PRKACB: variants seen among roughly 807,000 people sequenced by gnomAD.
PRKACB encodes the protein cAMP-dependent protein kinase catalytic subunit beta.
PRKACB carries 16 observed loss-of-function variants against 51.4 expected under a neutral mutation model. The ratio of observed to expected loss-of-function variants is 0.31; its 90% CI spans 0.21 to 0.47. The LOEUF (loss-of-function observed/expected upper bound fraction) is 0.47, where lower values mean the gene tolerates loss of function less well. Among genes scored for constraint, PRKACB ranks in the 20% least tolerant of loss-of-function variants. The pLI is 1.00. For synonymous variants in PRKACB, 147 were observed against 154.4 expected (o/e 0.95, Z 0.35); for missense variants, 309 against 464.5 (o/e 0.67, Z 3.08).
intron 1 of PRKACB, among the ~76,000 whole-genome samples, chr1:84,155,624 G>A (rs1031876235): frequency 4.6e-5 from 7 of 152,168 alleles, no homozygotes; most frequent in Non-Finnish European, 8.8e-5. Context: ...CAGATGATCT[G>A]AGAGACAAAG....
intron 8 of PRKACB, among the ~76,000 whole-genome samples, chr1:84,205,788 C>T (rs1166517165): frequency 6.6e-6 from 1 of 151,980 alleles, no homozygotes; most frequent in South Asian, 2.1e-4. Flanking sequence ...TAGATTCTCT[C>T]CTACACATAT....
intron 1 of PRKACB, among the ~76,000 whole-genome samples, chr1:84,107,280 T>G (rs1649832206): frequency 6.6e-6 from 1 of 152,096 alleles, no homozygotes; most frequent in South Asian, 2.1e-4. Flanking sequence ...ATTGGCTAGC[T>G]GTATGCAGAA....
intron 1 of PRKACB, among the ~76,000 whole-genome samples, chr1:84,147,069 C>G (rs1654199129): frequency 6.6e-6 from 1 of 152,016 alleles, no homozygotes; most frequent in African/African-American, 2.4e-5. Context: ...TTCCTTTGAT[C>G]ATAAATGTGT....
intron 8 of PRKACB, among the ~76,000 whole-genome samples, chr1:84,210,442 A>G (rs1239841977): frequency 6.6e-6 from 1 of 152,034 alleles, no homozygotes; most frequent in Non-Finnish European, 1.5e-5. Flanking sequence ...TTACTTTCAC[A>G]TTATTTGCCT....
At chr1:84,082,537 C>T (rs893417924) in intron 1 of PRKACB, among the ~76,000 whole-genome samples, 1 of 151,928 alleles carries the variant, frequency 6.6e-6, no homozygotes, top group African/African-American at 2.4e-5. Context: ...ATACTTTTCC[C>T]TTCTTGCCCA....
Position 84,235,176 on chromosome 1 carries a change from A to T in PRKACB, c.1072-4A>T. ...TCTTATTTTTCTCTCCCTCTCAATT[A>T]TAGGTTGAAGCTCCATTCATACCAA... On this transcript the variant is annotated splice_region_variant and splice_polypyrimidine_tract_variant and intron_variant, in intron 9 of 9. Transcript: ENST00000370685. The T allele has an allele frequency of 6.2e-7, 1 of 1,602,418 alleles. No homozygotes were observed. The highest frequency in any genetic ancestry group is 1.4e-5 in the African/African-American group (1 of 73,930).
At chr1:84,149,537 A>G (rs1420022387) in intron 1 of PRKACB, among the ~76,000 whole-genome samples, 1 of 152,224 alleles carries the variant, frequency 6.6e-6, no homozygotes, top group Non-Finnish European at 1.5e-5. Context: ...CTGGGAATAC[A>G]GGCCTGAGCC....
chr1:84,129,768 A>C (rs1281189020), intron 1 of PRKACB, among the ~76,000 whole-genome samples: 3 of 152,230 alleles, frequency 2.0e-5, no homozygotes, highest in African/African-American at 7.2e-5. Flanking sequence ...GACTTTGAAA[A>C]GTAAATATAG....
At chr1:84,108,448 A>G (rs977812301) in intron 1 of PRKACB, among the ~76,000 whole-genome samples, 5 of 152,054 alleles carry the variant, frequency 3.3e-5, no homozygotes, top group Admixed American at 6.6e-5. Flanking sequence ...AAGTTTCCCT[A>G]TATAACCAAC....
chr1:84,092,323 A>G lies in PRKACB; in HGVS notation c.46+13952A>G, dbSNP rs1027440978. 2.0e-5 allele frequency among the ~76,000 whole-genome samples: 3 copies of G among 152,318 alleles called. No individual in the cohort carries two copies. In the East Asian group the frequency reaches 5.8e-4, roughly 29 times the overall value. On this transcript the variant is annotated intron_variant, in intron 1 of 8. Coordinates refer to the PRKACB transcript ENST00000370688. Reference sequence around the variant, plus strand: ...CTTCTTTCACTTATGTATTTGTGACACTTATCCATGTTTTTGTCATAGCAG... The same window carrying G: ...CTTCTTTCACTTATGTATTTGTGACGCTTATCCATGTTTTTGTCATAGCAG...
In PRKACB at chr1:84,196,626, G is replaced by T. The variant is rs1668312877; in HGVS notation, c.571G>T (p.Ala191Ser). The change falls in exon 6 of 10, where the codon GCA becomes TCA. Residue 191 changes from alanine to serine, a missense_variant. This residue lies in a region of PRKACB where 60 missense variants were observed against 144.4 expected (regional missense o/e 0.42). Transcript: ENST00000370685. The stretch of plus-strand genomic sequence containing the variant: ...TTTATTTCTTTGCAGTGAGCCCCAT[G>T]CACGGTTCTATGCAGCTCAGATAGT... Reference protein sequence around the residue: ...RRIGRFSEPHARFYAAQIVLT... With the variant: ...RRIGRFSEPHSRFYAAQIVLT... 1.9e-6 allele frequency: 3 copies of T among 1,612,730 alleles called. No individual in the cohort carries two copies.
At chr1:84,161,305 G>A (rs375264864) in intron 1 of PRKACB, among the ~76,000 whole-genome samples, 2 of 151,732 alleles carry the variant, frequency 1.3e-5, no homozygotes, top group South Asian at 2.1e-4. Flanking sequence ...GTTACTGTTT[G>A]CATGATGAAT....
intron 2 of PRKACB, among the ~76,000 whole-genome samples, chr1:84,180,169 G>A (rs766484535): frequency 1.7e-4 from 5 of 29,588 alleles, no homozygotes; most frequent in South Asian, 1.2e-3. Flanking sequence ...TCAACGAATG[G>A]ATAAAGAAAC....
chr1:84,127,922 T>C (rs1039284046), intron 1 of PRKACB, among the ~76,000 whole-genome samples: 1 of 151,904 alleles, frequency 6.6e-6, no homozygotes, highest in Non-Finnish European at 1.5e-5. Flanking sequence ...AAATTTTACA[T>C]TGTGTAAAAA....
At chr1:84,084,672 G>C (rs1203027273) in intron 1 of PRKACB, among the ~76,000 whole-genome samples, 1 of 152,182 alleles carries the variant, frequency 6.6e-6, no homozygotes, top group African/African-American at 2.4e-5. Flanking sequence ...TGTACTGATT[G>C]CATGTGGGAA....
intron 1 of PRKACB, among the ~76,000 whole-genome samples, chr1:84,154,678 A>C (rs769823730): frequency 1.4e-4 from 22 of 152,186 alleles, no homozygotes; most frequent in Non-Finnish European, 3.1e-4. Context: ...ATACTAGCAA[A>C]TTAAATTCAA....
intron 9 of PRKACB, among the ~76,000 whole-genome samples, chr1:84,221,953 A>G (rs1292043867): frequency 2.0e-5 from 3 of 152,160 alleles, no homozygotes; most frequent in Non-Finnish European, 4.4e-5. Context: ...TTTTGTCTAC[A>G]GTGCAGTTTA....
At chr1:84,217,892 A>G (rs1221448257) in intron 9 of PRKACB, among the ~76,000 whole-genome samples, 1 of 152,156 alleles carries the variant, frequency 6.6e-6, no homozygotes, top group East Asian at 1.9e-4. Flanking sequence ...TTGTTGTTGT[A>G]ATTAACCAGT....
intron 1 of PRKACB, among the ~76,000 whole-genome samples, chr1:84,113,008 TAAAG>T (rs1650357330): frequency 1.3e-5 from 2 of 152,138 alleles, no homozygotes; most frequent in African/African-American, 4.8e-5. Flanking sequence ...TAAGTCAACA[TAAAG>T]AGACTAAAAA....
Sources: allele counts gnomAD v4.1 joint callset (sites outside exome capture counted in the v4.1 genomes callset), GRCh38; gene constraint gnomAD v4.1.1; regional missense constraint gnomAD v4.1.1; transcripts MANE v1.5; gene names NCBI Gene and HGNC (gene_info 2026-07-23, HGNC 2026-07-21).